SAMD12: variants seen among roughly 807,000 people sequenced by gnomAD.
SAMD12 encodes sterile alpha motif domain containing 12, also known as sterile alpha motif domain-containing protein 12.
A neutral mutation model predicts 15.0 loss-of-function variants in SAMD12; 9 were observed. The ratio of observed to expected loss-of-function variants is 0.60; its 90% confidence interval spans 0.36 to 1.05. SAMD12 has a LOEUF of 1.05. SAMD12 is among the 50% of genes least tolerant of loss of function. SAMD12 has a pLI of 0.01. For missense variants in SAMD12, 230 were observed against 234.2 expected, an observed-to-expected ratio of 0.98 and a Z score of 0.12; for synonymous variants, 86 against 90.1, an observed-to-expected ratio of 0.96 and a Z score of 0.25.
At chr8:118,604,887 A>G (rs1827948913) in intron 1 of SAMD12, among the ~76,000 whole-genome samples, 1 of 152,128 alleles carries the variant, frequency 6.6e-6, no homozygotes, top group Non-Finnish European at 1.5e-5. Context: ...GCACCACTGC[A>G]CTCCAGCCTG....
At chr8:118,298,708 A>C (rs1814858198) in intron 4 of SAMD12, among the ~76,000 whole-genome samples, 2 of 152,244 alleles carry the variant, frequency 1.3e-5, no homozygotes, top group African/African-American at 4.8e-5. Context: ...TGTTATTTAT[A>C]GTAACAAAAA....
At chr8:118,157,744 G>T in the SAMD12 span, among the ~76,000 whole-genome samples, 2 of 152,140 alleles carry the variant, frequency 1.3e-5, no homozygotes, top group East Asian at 3.9e-4. Context: ...AGAAGTGGTG[G>T]AATAAAATTG....
rs572649893 is a variant in SAMD12, at chr8:118,320,532, G to A, written c.433+59028C>T. ...AATAGAAAATTACAAAAATCAACTCGTTATATTGAAAAATCATTGACCAAA... is the reference window on the plus strand; with the variant it reads ...AATAGAAAATTACAAAAATCAACTCATTATATTGAAAAATCATTGACCAAA... On this transcript the variant is annotated intron_variant, in intron 4 of 4. Coordinates refer to the SAMD12 transcript ENST00000409003. Among the ~76,000 whole-genome samples, 116 of 151,932 alleles carry A rather than the reference G, an allele frequency of 7.6e-4. 1 individual carries two copies. The highest frequency in any genetic ancestry group is 2.5e-3 in the African/African-American group (105 of 41,438).
chr8:118,365,886 C>T (rs1468297297), intron 4 of SAMD12, among the ~76,000 whole-genome samples: 2 of 152,156 alleles, frequency 1.3e-5, no homozygotes, highest in East Asian at 3.9e-4. Flanking sequence ...TTCCTGATCC[C>T]TTAGAGCCAG....
At position 118,277,472 on chromosome 8, in the gene SAMD12, A is replaced by T. The variant is rs536328395; in HGVS notation, c.434-79740T>A. Among the ~76,000 whole-genome samples the T allele has an allele frequency of 3.9e-5, 6 of 152,192 alleles. No homozygotes were observed. In the East Asian group the frequency reaches 1.2e-3, roughly 29 times the overall value. On this transcript the variant is annotated intron_variant, in intron 4 of 4. Transcript: ENST00000409003. The stretch of plus-strand genomic sequence containing the variant: ...TTATTCATCTTGCCAGAAACAGAAG[A>T]CTATACTTTGGTTTTGATGCAATCA...
At chr8:118,549,674 G>A (rs1826259584) in intron 2 of SAMD12, among the ~76,000 whole-genome samples, 1 of 152,238 alleles carries the variant, frequency 6.6e-6, no homozygotes, top group African/African-American at 2.4e-5. Context: ...GAACAAAGCT[G>A]GACGGAGAAT....
intron 2 of SAMD12, among the ~76,000 whole-genome samples, chr8:118,450,717 T>G (rs1823055360): frequency 6.6e-6 from 1 of 152,112 alleles, no homozygotes; most frequent in Admixed American, 6.5e-5. Flanking sequence ...TCCTCTGCCA[T>G]GAGATGGCAT....
At chr8:118,609,020 A>G (rs552289662) in intron 1 of SAMD12, among the ~76,000 whole-genome samples, 3 of 152,246 alleles carry the variant, frequency 2.0e-5, no homozygotes, top group Non-Finnish European at 2.9e-5. Flanking sequence ...TAAACTTCTA[A>G]ATAAAGATCC....
intron 2 of SAMD12, among the ~76,000 whole-genome samples, chr8:118,499,583 A>C (rs1824719844): frequency 6.6e-6 from 1 of 152,220 alleles, no homozygotes; most frequent in African/African-American, 2.4e-5. Flanking sequence ...ATACTGTTTT[A>C]CATTTCTAGA....
chr8:118,198,198 G>A (rs1387539769), intron 4 of SAMD12, among the ~76,000 whole-genome samples: 1 of 152,182 alleles, frequency 6.6e-6, no homozygotes, highest in African/African-American at 2.4e-5. Context: ...AATATTGGAA[G>A]CGGAATGGCT....
At chr8:118,413,191 A>C (rs2130819343) in intron 3 of SAMD12, among the ~76,000 whole-genome samples, 2 of 152,296 alleles carry the variant, frequency 1.3e-5, no homozygotes, top group Middle Eastern at 3.4e-3. Context: ...ATGTAGCCTA[A>C]ATCACCAGGA....
chr8:118,145,634 C>A, the SAMD12 span, among the ~76,000 whole-genome samples: 1 of 152,094 alleles, frequency 6.6e-6, no homozygotes, highest in Admixed American at 6.6e-5. Flanking sequence ...GAGAGTAAGC[C>A]GTGAACGTGA....
chr8:118,251,499 A>T (rs906901459), intron 4 of SAMD12, among the ~76,000 whole-genome samples: 5 of 151,924 alleles, frequency 3.3e-5, no homozygotes, highest in African/African-American at 1.2e-4. Flanking sequence ...TTACGCCCCC[A>T]CCTTTGCTGT....
At chr8:118,209,227 G>A (rs984015790) in intron 4 of SAMD12, among the ~76,000 whole-genome samples, 2 of 152,108 alleles carry the variant, frequency 1.3e-5, no homozygotes, top group African/African-American at 4.8e-5. Context: ...AGACATTCCA[G>A]AAAAGTTTAA....
intron 3 of SAMD12, among the ~76,000 whole-genome samples, chr8:118,436,880 C>A (rs947125827): frequency 6.6e-6 from 1 of 152,212 alleles, no homozygotes; most frequent in Non-Finnish European, 1.5e-5. Flanking sequence ...ACCTTCATAG[C>A]AACACTATGA....
chr8:118,243,453 A>G (rs1812618168), intron 4 of SAMD12, among the ~76,000 whole-genome samples: 1 of 146,776 alleles, frequency 6.8e-6, no homozygotes, highest in African/African-American at 2.6e-5. Context: ...CATGCACTGT[A>G]CCACTCCATT....
chr8:118,155,516 C>T, the SAMD12 span, among the ~76,000 whole-genome samples: 1 of 152,218 alleles, frequency 6.6e-6, no homozygotes, highest in African/African-American at 2.4e-5. Flanking sequence ...GGTGCCCAAT[C>T]AGTGCTCACT....
chr8:118,468,393 G>A (rs116409128), intron 2 of SAMD12, among the ~76,000 whole-genome samples: 2,003 of 152,114 alleles, frequency 0.013, 44 homozygotes, highest in African/African-American at 0.045. Flanking sequence ...CTCCAAAAAC[G>A]CCAGTGTCTT....
chr8:118,240,091 G>A (rs1812530716), intron 4 of SAMD12: 1 of 152,118 alleles, frequency 6.6e-6, no homozygotes, highest in East Asian at 1.9e-4. Context: ...TAAAATCCCT[G>A]TAGGGTATCT....
Sources: allele counts gnomAD v4.1 joint callset (sites outside exome capture counted in the v4.1 genomes callset), GRCh38; gene constraint gnomAD v4.1.1; transcripts MANE v1.5; gene names NCBI Gene and HGNC (gene_info 2026-07-23, HGNC 2026-07-21).